The following RSPH14 variants were observed in gnomAD, a reference collection of about 807,000 sequenced individuals.
RSPH14 encodes rhabdoid tumor deletion region gene 1.
RSPH14 carries 20 observed loss-of-function variants against 26.7 expected under a neutral mutation model. The ratio of observed to expected loss-of-function variants is 0.75; its 90% confidence interval spans 0.53 to 1.09. The LOEUF is 1.09. Among genes scored for constraint, RSPH14 ranks in the 50% least tolerant of loss-of-function variants. The pLI is 0.00. For synonymous variants in RSPH14, 177 were observed against 189.3 expected (o/e 0.93, Z 0.53); for missense variants, 449 against 457.2 (o/e 0.98, Z 0.16).
the RSPH14 span, among the ~76,000 whole-genome samples, chr22:23,170,065 C>T: frequency 6.7e-6 from 1 of 149,754 alleles, no homozygotes; most frequent in Admixed American, 6.7e-5. Flanking sequence ...CCACTGCACT[C>T]CCTCCTAAGC....
intron 2 of RSPH14, among the ~76,000 whole-genome samples, chr22:23,139,608 G>A (rs778691334): frequency 9.9e-5 from 15 of 151,738 alleles, no homozygotes; most frequent in African/African-American, 3.1e-4. Context: ...GCAAGAGAGC[G>A]AGATGCCATC....
At chr22:23,127,341 C>T (rs886204910) in intron 4 of RSPH14, among the ~76,000 whole-genome samples, 4 of 152,338 alleles carry the variant, frequency 2.6e-5, no homozygotes. Flanking sequence ...TATCAGTGAC[C>T]ATCATTCCTG....
the RSPH14 span, chr22:23,180,573 C>T: frequency 7.9e-5 from 3 of 37,974 alleles, no homozygotes; most frequent in South Asian, 5.4e-4. Context: ...TCCGAGGAGG[C>T]GGCGGCGGCG....
At chr22:23,087,982 G>A (rs957972988) in intron 4 of RSPH14, among the ~76,000 whole-genome samples, 1 of 152,230 alleles carries the variant, frequency 6.6e-6, no homozygotes, top group African/African-American at 2.4e-5. Context: ...CAGGCAAGAA[G>A]GAGGTCTGCT....
In RSPH14 at chr22:23,134,064, AG is replaced by A. The variant is rs1569195071; in HGVS notation, c.382del (p.Leu128CysfsTer23). The stretch of plus-strand genomic sequence containing the variant: ...GACCAGCTGCATGTATGCCTTGTAC[AG>A]GTTCCCCCGGCAGACTGGGCTGGGG... ...NDPSPVCRGN[L>X]YKAYMQLVQV... On this transcript the variant is annotated frameshift_variant, in exon 4 of 7. Transcript: ENST00000216036. LOFTEE classifies it high-confidence loss of function. The A allele has an allele frequency of 6.2e-7, 1 of 1,613,732 alleles. No homozygotes were observed.
the RSPH14 span, among the ~76,000 whole-genome samples, chr22:23,164,833 T>C: frequency 9.5e-4 from 144 of 152,282 alleles, 1 homozygote; most frequent in African/African-American, 3.4e-3. Context: ...TGTCACTTCC[T>C]GGCTCCCCAG....
rs1420148845 is a variant in RSPH14, at chr22:23,140,350, C to A, written c.71G>T (p.Gly24Val). The change falls in exon 2 of 7, where the codon GGC becomes GTC. Residue 24 changes from glycine (G) to valine (V), a missense_variant. Gly to Val is a moderately radical substitution (Grantham distance 109). Coordinates refer to ENST00000216036, the MANE Select transcript of RSPH14 (RefSeq NM_014433.3). ...CTTCAGCTTGGGCAGGGCCCGATGG[C>A]CATAGGCAGTGGTAATCTGGGTGGC... ...INATQITTAYGHRALPKLKEE... is the reference protein window; with the variant it reads ...INATQITTAYVHRALPKLKEE... 3.1e-6 allele frequency: 5 copies of A among 1,614,186 alleles called. No individual in the cohort carries two copies. Among genetic ancestry groups the A allele is most frequent in the Non-Finnish European group, 4.2e-6 (5 of 1,180,040 alleles).
At chr22:23,140,538 T>G (rs2146457275) in intron 1 of RSPH14, 66 bp from the exon 2 acceptor site, 1 of 1,463,846 alleles carries the variant, frequency 6.8e-7, no homozygotes, top group East Asian at 2.5e-5. Flanking sequence ...CATCTGATCC[T>G]CCAAACTGTG....
At chr22:23,161,571 C>T in the RSPH14 span, 6 of 1,601,858 alleles carry the variant, frequency 3.7e-6, no homozygotes, top group South Asian at 5.6e-5. Context: ...CTAACTGGGG[C>T]CTGCGTGGAA....
At chr22:23,129,285 G>A (rs1037548987) in intron 4 of RSPH14, among the ~76,000 whole-genome samples, 5 of 152,038 alleles carry the variant, frequency 3.3e-5, no homozygotes, top group African/African-American at 4.8e-5. Flanking sequence ...CTGCATACCC[G>A]GTGTCCCAGG....
chr22:23,063,541 G>A (rs2068134634), intron 5 of RSPH14, among the ~76,000 whole-genome samples: 1 of 152,214 alleles, frequency 6.6e-6, no homozygotes, highest in African/African-American at 2.4e-5. Context: ...TCCCTGGAGG[G>A]TCGCCTAAAT....
chr22:23,180,259 T>G, the RSPH14 span: 1 of 197,070 alleles, frequency 5.1e-6, no homozygotes, highest in Non-Finnish European at 1.0e-5. Flanking sequence ...AAGGTCTTTA[T>G]GGACCAGGGA....
chr22:23,161,058 G>A, the RSPH14 span: 27 of 1,540,408 alleles, frequency 1.8e-5, no homozygotes, highest in Non-Finnish European at 2.3e-5. Flanking sequence ...AAATCCACAT[G>A]CGCCATCCTC....
chr22:23,153,002 A>AC, the RSPH14 span: 2 of 1,495,986 alleles, frequency 1.3e-6, no homozygotes, highest in South Asian at 2.3e-5. Context: ...CTGTGAGTAC[A>AC]CCCCTGTGAC....
chr22:23,084,918 G>T (rs11705217), intron 4 of RSPH14, among the ~76,000 whole-genome samples: 1 of 152,198 alleles, frequency 6.6e-6, no homozygotes. Flanking sequence ...AGGTGACATC[G>T]CACGTCCAGG....
intron 4 of RSPH14, among the ~76,000 whole-genome samples, chr22:23,080,717 C>A (rs1324818138): frequency 6.6e-6 from 1 of 152,240 alleles, no homozygotes; most frequent in Non-Finnish European, 1.5e-5. Flanking sequence ...AGCCATGAAT[C>A]AGTGATGTCT....
chr22:23,143,986 CG>C (rs1196795163), upstream of RSPH14, among the ~76,000 whole-genome samples: 1 of 145,192 alleles, frequency 6.9e-6, no homozygotes, highest in African/African-American at 2.6e-5. Flanking sequence ...CCCAGCTACT[CG>C]GGAGGCTGAG....
Position 23,065,271 on chromosome 22 carries a change from T to C in RSPH14, c.422-1138A>G, listed in dbSNP as rs1454218413. On this transcript the variant is annotated intron_variant, in intron 4 of 6. Transcript: ENST00000216036. ...ATCAAACAGCAGGTGCCCAGGGTGA[T>C]GGGGTAGAAAGGCGGAGCAGGGTGC... Among the ~76,000 whole-genome samples the C allele has an allele frequency of 3.9e-5, 6 of 152,084 alleles. No homozygotes were observed. In the East Asian group the frequency reaches 1.2e-3, roughly 29 times the overall value.
the RSPH14 span, among the ~76,000 whole-genome samples, chr22:23,156,837 T>A: frequency 6.6e-6 from 1 of 152,134 alleles, no homozygotes; most frequent in Admixed American, 6.5e-5. Flanking sequence ...AGGATGCTTC[T>A]CCCCTGGGAA....
Sources: allele counts gnomAD v4.1 joint callset (sites outside exome capture counted in the v4.1 genomes callset), GRCh38; gene constraint gnomAD v4.1.1; transcripts MANE v1.5; gene names NCBI Gene and HGNC (gene_info 2026-07-23, HGNC 2026-07-21).